ITGAV: variants seen among roughly 807,000 people sequenced by gnomAD.
ITGAV encodes the protein integrin alpha-V.
In ITGAV, 76 loss-of-function variants were observed where a neutral mutation model predicts 143.8. That is an observed-to-expected ratio of 0.53 (90% CI 0.44 to 0.64). The LOEUF is 0.64. Ranked by LOEUF, ITGAV falls within the 30% of genes least tolerant of loss-of-function variation. The probability of loss-of-function intolerance (pLI) is 0.00; values close to 1 mark genes in which losing one functional copy is unlikely to be tolerated. For synonymous variants in ITGAV, 453 were observed against 446.7 expected (o/e 1.01, Z -0.18); for missense variants, 1,193 against 1,274.7 (o/e 0.94, Z 0.98).
In ITGAV at chr2:186,590,503, C is replaced by T. The variant is rs1226347310; in HGVS notation, c.165C>T (p.Phe55=). The change falls in exon 1 of 30, where the codon TTC becomes TTT. Residue 55 remains phenylalanine, a synonymous_variant. Transcript: ENST00000261023. Reference sequence around the variant, plus strand: ...GTTACTTCGGCTTCGCCGTGGATTTCTTCGTGCCCAGCGCGTCTTCGTAAG... The same window carrying T: ...GTTACTTCGGCTTCGCCGTGGATTTTTTCGTGCCCAGCGCGTCTTCGTAAG... The part of the protein sequence containing the change: ...EGSYFGFAVD[F]FVPSASSRMF... The T allele has an allele frequency of 1.9e-6, 3 of 1,610,788 alleles. No homozygotes were observed. The highest frequency in any genetic ancestry group is 2.5e-6 in the Non-Finnish European group (3 of 1,178,990).
At chr2:186,640,454 GTTA>G (rs1307105238) in intron 10 of ITGAV, among the ~76,000 whole-genome samples, 3 of 152,132 alleles carry the variant, frequency 2.0e-5, no homozygotes, top group Non-Finnish European at 4.4e-5. Flanking sequence ...ATTATTATCT[GTTA>G]TTAATAATTA....
At chr2:186,631,358 T>C (rs1489324112) in intron 5 of ITGAV, among the ~76,000 whole-genome samples, 1 of 152,190 alleles carries the variant, frequency 6.6e-6, no homozygotes, top group African/African-American at 2.4e-5. Flanking sequence ...AGAAATCTCA[T>C]AGGCAGGGCT....
At chr2:186,663,739 A>T (rs1464732241) in intron 18 of ITGAV, 29 bp from the exon 19 acceptor site, 1 of 1,536,142 alleles carries the variant, frequency 6.5e-7, no homozygotes, top group African/African-American at 1.4e-5. Flanking sequence ...GGTATTTTTC[A>T]TGTAGAAAAA....
chr2:186,654,548 T>G, intron 15 of ITGAV, 102 bp from the exon 16 acceptor site: 1 of 585,588 alleles, frequency 1.7e-6, no homozygotes, highest in Non-Finnish European at 3.0e-6. Context: ...ATGTAAGGCT[T>G]CACAATACAA....
intron 2 of ITGAV, among the ~76,000 whole-genome samples, chr2:186,605,890 T>A (rs1255742845): frequency 4.0e-5 from 6 of 150,088 alleles, no homozygotes; most frequent in African/African-American, 1.5e-4. Context: ...TATATTCTTA[T>A]GTATATGTAT....
chr2:186,590,726 C>T (rs537791455), intron 1 of ITGAV, among the ~76,000 whole-genome samples: 5 of 152,296 alleles, frequency 3.3e-5, no homozygotes, highest in African/African-American at 1.2e-4. Flanking sequence ...CCAGTTACAC[C>T]CCGCTTCTCA....
intron 12 of ITGAV, among the ~76,000 whole-genome samples, chr2:186,642,849 G>C (rs1265837890): frequency 6.6e-6 from 1 of 152,094 alleles, no homozygotes; most frequent in Non-Finnish European, 1.5e-5. Context: ...AGTTTCAGTG[G>C]TAGGGAACAT....
intron 18 of ITGAV, chr2:186,660,637 T>G (rs920549396): frequency 6.6e-6 from 1 of 152,234 alleles, no homozygotes; most frequent in South Asian, 2.1e-4. Flanking sequence ...AATTTTTAAT[T>G]TGCTGGTTAG....
chr2:186,621,818 A>G (rs1042721597), intron 2 of ITGAV, among the ~76,000 whole-genome samples: 1 of 152,200 alleles, frequency 6.6e-6, no homozygotes, highest in African/African-American at 2.4e-5. Context: ...ATAAAAATAA[A>G]TGTTTGATTG....
chr2:186,670,371 G>C (rs1001738533), intron 26 of ITGAV, among the ~76,000 whole-genome samples: 5 of 152,032 alleles, frequency 3.3e-5, no homozygotes, highest in African/African-American at 1.2e-4. Flanking sequence ...CACAAACACA[G>C]CTCACTGAGG....
At chr2:186,651,849 C>T in intron 14 of ITGAV, 133 bp from the exon 15 acceptor site, 1 of 574,792 alleles carries the variant, frequency 1.7e-6, no homozygotes, top group Non-Finnish European at 3.1e-6. Context: ...TGTTCCTGTT[C>T]CTTTTACTAT....
At position 186,649,890 on chromosome 2, in the gene ITGAV, G is replaced by GCATTA; in HGVS notation, c.1397+9_1397+10insACATT. ...AGATCGAGCTATCTTATACAGGTGA[G>GCATTA]CATTTTCTGTATCCTGCGGTATAGG... On this transcript the variant is annotated splice_donor_region_variant and intron_variant, in intron 14 of 29. Coordinates refer to ENST00000261023, the MANE Select transcript of ITGAV (RefSeq NM_002210.5). 7.0e-7 allele frequency: 1 copy of GCATTA among 1,430,478 alleles called. No individual in the cohort carries two copies. The highest frequency in any genetic ancestry group is 1.5e-5 in the South Asian group (1 of 67,414). 88.6% of individuals were successfully genotyped at this position (1,430,478 alleles called of 1,614,324 possible).
In ITGAV at chr2:186,590,524, G is replaced by T; in HGVS notation, c.185+1G>T. ...ATTTCTTCGTGCCCAGCGCGTCTTC[G>T]TAAGTGGCCGCACTTGGAACTGGAG... On this transcript the variant is annotated splice_donor_variant, in intron 1 of 29. Coordinates refer to ENST00000261023, the MANE Select transcript of ITGAV (RefSeq NM_002210.5). LOFTEE classifies it high-confidence loss of function. The T allele has an allele frequency of 6.2e-7, 1 of 1,609,996 alleles. No individual in the cohort carries two copies. Among genetic ancestry groups the T allele is most frequent in the South Asian group, 1.1e-5 (1 of 90,712 alleles).
intron 5 of ITGAV, 21 bp from the exon 6 acceptor site, chr2:186,633,308 T>C: frequency 4.6e-6 from 7 of 1,531,478 alleles, no homozygotes; most frequent in Non-Finnish European, 6.3e-6. Context: ...ATATATCTTT[T>C]TGTTGTGTGA....
chr2:186,669,390 A>G (rs1318399997), intron 25 of ITGAV, among the ~76,000 whole-genome samples: 1 of 152,252 alleles, frequency 6.6e-6, no homozygotes, highest in Non-Finnish European at 1.5e-5. Flanking sequence ...AATAAAAGAT[A>G]TACCCATGAT....
intron 3 of ITGAV, among the ~76,000 whole-genome samples, chr2:186,623,009 C>T (rs769432481): frequency 1.3e-5 from 2 of 152,064 alleles, no homozygotes; most frequent in Admixed American, 6.6e-5. Flanking sequence ...GGTGAGCCAC[C>T]GAGCCTGGCC....
intron 13 of ITGAV, among the ~76,000 whole-genome samples, chr2:186,649,164 A>T (rs1214775010): frequency 1.3e-5 from 2 of 151,234 alleles, no homozygotes; most frequent in Non-Finnish European, 2.9e-5. Context: ...AGTGCCTTAA[A>T]TGTTGCAAAT....
chr2:186,601,569 T>G (rs1686906853), intron 1 of ITGAV, among the ~76,000 whole-genome samples: 1 of 152,080 alleles, frequency 6.6e-6, no homozygotes, highest in Non-Finnish European at 1.5e-5. Context: ...AATAATTTAC[T>G]TAGAATATTT....
intron 4 of ITGAV, among the ~76,000 whole-genome samples, chr2:186,625,906 A>G (rs767107930): frequency 4.6e-5 from 7 of 152,110 alleles, no homozygotes; most frequent in Non-Finnish European, 8.8e-5. Context: ...CTCTTAACAG[A>G]GAAGATGTAG....
Sources: gnomAD v4.1 joint callset for allele counts (sites outside exome capture counted in the v4.1 genomes callset) on GRCh38, gnomAD v4.1.1 for gene constraint, MANE v1.5 for transcripts, NCBI Gene and HGNC (gene_info 2026-07-23, HGNC 2026-07-21) for gene names.